DYM: variants seen among roughly 807,000 people sequenced by gnomAD.
The protein encoded by DYM is dymeclin, also known as dyggve-Melchior-Clausen syndrome protein.
A neutral mutation model predicts 93.1 loss-of-function variants in DYM; 78 were observed. The ratio of observed to expected loss-of-function variants is 0.84; its 90% CI spans 0.70 to 1.01. The LOEUF (loss-of-function observed/expected upper bound fraction) is 1.01. Ranked by LOEUF, DYM falls within the 50% of genes least tolerant of loss-of-function variation. The probability of loss-of-function intolerance (pLI) is 0.00; values close to 1 mark genes in which losing one functional copy is unlikely to be tolerated. For missense variants in DYM, 789 were observed against 845.0 expected (o/e 0.93, Z 0.82); for synonymous variants, 321 against 319.7 (o/e 1.00, Z -0.04).
At chr18:49,106,085 G>T (rs1005322314) in intron 16 of DYM, among the ~76,000 whole-genome samples, 5 of 152,076 alleles carry the variant, frequency 3.3e-5, no homozygotes, top group Admixed American at 1.3e-4. Flanking sequence ...TATGAATCTG[G>T]GTGCTCCTGT....
At chr18:49,444,816 T>C (rs1003728310) in intron 1 of DYM, among the ~76,000 whole-genome samples, 2 of 152,206 alleles carry the variant, frequency 1.3e-5, no homozygotes, top group African/African-American at 4.8e-5. Flanking sequence ...AAGCAATGAA[T>C]ATGCTCTATT....
chr18:49,198,100 T>A (rs1435912666), intron 14 of DYM, among the ~76,000 whole-genome samples: 1 of 152,170 alleles, frequency 6.6e-6, no homozygotes, highest in Non-Finnish European at 1.5e-5. Flanking sequence ...ATCTGATCTT[T>A]GACAAACCTG....
At chr18:49,230,776 A>G (rs2093671767) in intron 13 of DYM, among the ~76,000 whole-genome samples, 1 of 152,254 alleles carries the variant, frequency 6.6e-6, no homozygotes. Context: ...CTTATAATTA[A>G]TAAAACAGAT....
intron 15 of DYM, among the ~76,000 whole-genome samples, chr18:49,147,030 G>A (rs2085233930): frequency 6.6e-6 from 1 of 152,086 alleles, no homozygotes; most frequent in Non-Finnish European, 1.5e-5. Context: ...AGAGCCCTCA[G>A]AAATAATGCC....
chr18:49,283,001 A>T (rs1331273978), intron 9 of DYM, among the ~76,000 whole-genome samples: 2 of 152,242 alleles, frequency 1.3e-5, no homozygotes, highest in African/African-American at 4.8e-5. Context: ...CAATGGAGTC[A>T]TATTCCCATA....
At chr18:49,394,832 A>G (rs1024057352) in intron 2 of DYM, among the ~76,000 whole-genome samples, 3 of 152,208 alleles carry the variant, frequency 2.0e-5, no homozygotes, top group Non-Finnish European at 4.4e-5. Flanking sequence ...AACAGAATAA[A>G]GAACCCAGAA....
intron 17 of DYM, among the ~76,000 whole-genome samples, chr18:49,048,911 T>C (rs909165161): frequency 2.6e-5 from 4 of 152,224 alleles, no homozygotes; most frequent in Admixed American, 2.0e-4. Context: ...GCACAGGACA[T>C]CTCTCAGCAA....
At chr18:49,272,708 G>A (rs1177850949) in intron 10 of DYM, among the ~76,000 whole-genome samples, 1 of 152,036 alleles carries the variant, frequency 6.6e-6, no homozygotes, top group Non-Finnish European at 1.5e-5. Flanking sequence ...TTTAAAGCTA[G>A]TAAGTAAAAA....
chr18:49,436,951 A>G (rs1376228569), intron 1 of DYM, among the ~76,000 whole-genome samples: 1 of 152,204 alleles, frequency 6.6e-6, no homozygotes, highest in East Asian at 1.9e-4. Context: ...ATGAATGCTG[A>G]ATTTTCAAAA....
rs758590268 is a variant in DYM, at chr18:49,272,167, T to C, written c.1251+11A>G. 11 of 1,611,546 alleles carry C rather than the reference T, an allele frequency of 6.8e-6. No homozygotes were observed. The highest frequency in any genetic ancestry group is 9.3e-6 in the Non-Finnish European group (11 of 1,178,066). On this transcript the variant is annotated intron_variant, in intron 11 of 17. Coordinates refer to ENST00000675505, the MANE Select transcript of DYM (RefSeq NM_001353214.3). ...TTAACTCTAACTCTAATCCAAGTAA[T>C]GGTAACTTACCACTTCATGAATGGA...
intron 8 of DYM, among the ~76,000 whole-genome samples, chr18:49,311,208 G>T (rs141793746): frequency 1.6e-3 from 242 of 152,302 alleles, no homozygotes; most frequent in Non-Finnish European, 2.9e-3. Context: ...GAAGGATCAT[G>T]TAAGTGGAAC....
intron 8 of DYM, among the ~76,000 whole-genome samples, chr18:49,308,722 G>A (rs920666614): frequency 2.6e-5 from 4 of 152,112 alleles, no homozygotes; most frequent in South Asian, 2.1e-4. Flanking sequence ...GGCGGGAGAC[G>A]GGAAGGGGAA....
At position 49,125,456 on chromosome 18, in the gene DYM, G is replaced by A. The variant is rs182721471; in HGVS notation, c.1729-6530C>T. Among the ~76,000 whole-genome samples the A allele has an allele frequency of 2.0e-5, 3 of 152,222 alleles. No individual in the cohort carries two copies. The East Asian group carries it at 5.8e-4, about 29-fold the overall frequency. ...AGCTTGCATTGGCTGGATGTCAGTG[G>A]TAGTAGTGACATAAATACTCTCTTT... On this transcript the variant is annotated intron_variant, in intron 15 of 17. Transcript: ENST00000675505.
At chr18:49,252,292 C>T (rs1182105074) in intron 13 of DYM, among the ~76,000 whole-genome samples, 1 of 139,846 alleles carries the variant, frequency 7.2e-6, no homozygotes, top group Non-Finnish European at 1.5e-5. Flanking sequence ...TTCATTGACT[C>T]ACAGTCCAGC....
At position 49,370,291 on chromosome 18, in the gene DYM, A is replaced by C. The variant is rs554819881; in HGVS notation, c.422-7058T>G. 7.4e-3 allele frequency among the ~76,000 whole-genome samples: 1,120 copies of C among 150,588 alleles called. 10 individuals carry two copies. The highest frequency in any genetic ancestry group is 0.015 in the Admixed American group (221 of 15,152). ...GAAACTCCATCTCAGAAAAAAAAAAAAAAAAAAACAAAACAGGACTAACTC... is the reference window on the plus strand; with the variant it reads ...GAAACTCCATCTCAGAAAAAAAAAACAAAAAAAACAAAACAGGACTAACTC... On this transcript the variant is annotated intron_variant, in intron 5 of 17. Transcript: ENST00000675505.
chr18:49,158,693 ATGTT>A (rs955301268), intron 15 of DYM, among the ~76,000 whole-genome samples: 5 of 152,234 alleles, frequency 3.3e-5, no homozygotes, highest in South Asian at 2.1e-4. Flanking sequence ...AGAACGTGTG[ATGTT>A]TGTTTGTTTG....
At chr18:49,328,672 A>G (rs1280947383) in intron 8 of DYM, among the ~76,000 whole-genome samples, 1 of 151,732 alleles carries the variant, frequency 6.6e-6, no homozygotes, top group Non-Finnish European at 1.5e-5. Context: ...GCCAACAGAC[A>G]CATGAAAAAA....
intron 2 of DYM, among the ~76,000 whole-genome samples, chr18:49,425,869 T>C (rs896924635): frequency 3.2e-4 from 49 of 152,164 alleles, no homozygotes; most frequent in Middle Eastern, 3.4e-3. Context: ...CCAGTTAGAA[T>C]GGCGATCATT....
chr18:49,281,976 A>C, intron 10 of DYM, 21 bp downstream of exon 10: 1 of 1,607,372 alleles, frequency 6.2e-7, no homozygotes, highest in Non-Finnish European at 8.5e-7. Flanking sequence ...AAACGCATGG[A>C]ATGTTTAGTA....
Sources: allele counts gnomAD v4.1 joint callset (sites outside exome capture counted in the v4.1 genomes callset), GRCh38; gene constraint gnomAD v4.1.1; transcripts MANE v1.5; gene names NCBI Gene and HGNC (gene_info 2026-07-23, HGNC 2026-07-21).